Variants in FAM169A observed in about 807,000 individuals in gnomAD.
The protein encoded by FAM169A is family with sequence similarity 169 member A, also known as soluble lamin-associated protein of 75 kDa.
A neutral mutation model predicts 75.7 loss-of-function variants in FAM169A; 24 were observed. That is an observed-to-expected ratio of 0.32 (90% CI 0.23 to 0.45). The LOEUF is 0.45. Among genes scored for constraint, FAM169A ranks in the 20% least tolerant of loss-of-function variants. The pLI is 1.00. For missense variants in FAM169A, 673 were observed against 784.0 expected, an observed-to-expected ratio of 0.86 and a Z score of 1.69; for synonymous variants, 271 against 271.0, an observed-to-expected ratio of 1.00 and a Z score of 0.00.
At chr5:74,810,974 A>ATTTTTTTT (rs764689046) in intron 6 of FAM169A, among the ~76,000 whole-genome samples, 1 of 99,870 alleles carries the variant, frequency 1.0e-5, no homozygotes, top group African/African-American at 4.1e-5. Context: ...CTAGGCCTGG[A>ATTTTTTTT]TTTTTTTTTT....
At chr5:74,852,823 G>A (rs1259467658) in intron 1 of FAM169A, among the ~76,000 whole-genome samples, 4 of 152,120 alleles carry the variant, frequency 2.6e-5, no homozygotes, top group Admixed American at 2.6e-4. Flanking sequence ...AGGGACCTTG[G>A]GCAGGGAAGA....
intron 4 of FAM169A, among the ~76,000 whole-genome samples, chr5:74,834,993 C>A (rs1401203604): frequency 1.5e-5 from 2 of 131,452 alleles, no homozygotes; most frequent in Non-Finnish European, 3.1e-5. Flanking sequence ...TTTCAGTCTC[C>A]ACATTTAAAA....
chr5:74,802,149 T>A (rs1269892506), intron 8 of FAM169A, among the ~76,000 whole-genome samples: 1 of 152,216 alleles, frequency 6.6e-6, no homozygotes, highest in Non-Finnish European at 1.5e-5. Context: ...AGCAATGACT[T>A]CTTCCTAACT....
At chr5:74,847,229 C>G (rs1749201164) in intron 1 of FAM169A, among the ~76,000 whole-genome samples, 1 of 152,060 alleles carries the variant, frequency 6.6e-6, no homozygotes, top group Admixed American at 6.6e-5. Context: ...CACCACTATC[C>G]ATTTCCAGAA....
At chr5:74,865,485 G>C in intron 1 of FAM169A, 1 of 152,168 alleles carries the variant, frequency 6.6e-6, no homozygotes, top group Admixed American at 6.5e-5. Flanking sequence ...GACAGTCATG[G>C]GAGTCAGTGT....
At chr5:74,861,048 A>G (rs995870372) in intron 1 of FAM169A, among the ~76,000 whole-genome samples, 3 of 152,102 alleles carry the variant, frequency 2.0e-5, no homozygotes, top group African/African-American at 7.2e-5. Context: ...GAGACAGGAG[A>G]ATCCCTTGAA....
chr5:74,825,073 C>A (rs1311852672), intron 5 of FAM169A, among the ~76,000 whole-genome samples: 1 of 152,014 alleles, frequency 6.6e-6, no homozygotes, highest in Admixed American at 6.6e-5. Context: ...TATAGTGTAC[C>A]ATGAATGTTT....
At chr5:74,866,425 G>A, upstream of FAM169A, 1 of 958,788 alleles carries the variant, frequency 1.0e-6, no homozygotes, top group Non-Finnish European at 1.2e-6. Context: ...TCCGCTCCGC[G>A]CCCGCGCCCA....
chr5:74,842,689 T>A (rs1174389588), intron 1 of FAM169A, among the ~76,000 whole-genome samples: 1 of 151,912 alleles, frequency 6.6e-6, no homozygotes, highest in Non-Finnish European at 1.5e-5. Flanking sequence ...TAAGCCACTG[T>A]GCCAGGACTA....
At chr5:74,858,048 A>C (rs1451456348) in intron 1 of FAM169A, among the ~76,000 whole-genome samples, 2 of 152,152 alleles carry the variant, frequency 1.3e-5, no homozygotes, top group African/African-American at 2.4e-5. Context: ...GCCAAATATC[A>C]AGATGTCTAC....
chr5:74,782,049 C>T (rs1410047988), intron 12 of FAM169A, 41 bp from the exon 13 acceptor site: 1 of 1,466,354 alleles, frequency 6.8e-7, no homozygotes, highest in South Asian at 1.3e-5. Flanking sequence ...ACTTGTACTA[C>T]AGTTCTAAAA....
At chr5:74,829,198 T>C (rs1748186854) in intron 5 of FAM169A, among the ~76,000 whole-genome samples, 1 of 152,216 alleles carries the variant, frequency 6.6e-6, no homozygotes, top group African/African-American at 2.4e-5. Context: ...TTTTATAAAC[T>C]ATTTTTGCAG....
chr5:74,826,318 A>G (rs527294399), intron 5 of FAM169A, among the ~76,000 whole-genome samples: 116 of 152,258 alleles, frequency 7.6e-4, no homozygotes, highest in African/African-American at 2.6e-3. Flanking sequence ...ACCTATGACT[A>G]TCTGTTCATA....
intron 2 of FAM169A, 60 bp from the exon 3 acceptor site, chr5:74,840,233 AT>A (rs1304648731): frequency 3.1e-5 from 22 of 713,882 alleles, no homozygotes; most frequent in Admixed American, 1.4e-4. Context: ...CATTAAAAAA[AT>A]CAATCTTTTA....
intron 1 of FAM169A, among the ~76,000 whole-genome samples, chr5:74,846,371 C>T (rs1016462926): frequency 6.6e-5 from 10 of 152,134 alleles, no homozygotes; most frequent in Admixed American, 2.0e-4. Flanking sequence ...AAAGCATAAT[C>T]ACAACCACAT....
intron 1 of FAM169A, among the ~76,000 whole-genome samples, chr5:74,859,593 T>A (rs1749930557): frequency 6.6e-6 from 1 of 152,164 alleles, no homozygotes; most frequent in Admixed American, 6.5e-5. Context: ...CGGCGAAGGT[T>A]TTCTTAATTT....
At chr5:74,853,328 A>G (rs1441239574) in intron 1 of FAM169A, among the ~76,000 whole-genome samples, 2 of 152,164 alleles carry the variant, frequency 1.3e-5, no homozygotes, top group African/African-American at 2.4e-5. Context: ...TGCACCTCGC[A>G]TTGTGTTGAA....
At chr5:74,819,477 T>C (rs1171611990) in intron 5 of FAM169A, among the ~76,000 whole-genome samples, 2 of 152,218 alleles carry the variant, frequency 1.3e-5, no homozygotes, top group African/African-American at 2.4e-5. Context: ...ACAGTCTCTA[T>C]GGAAGACAGT....
At chr5:74,799,055 C>G (rs1291134528) in intron 10 of FAM169A, 1 of 1,020,264 alleles carries the variant, frequency 9.8e-7, no homozygotes, top group African/African-American at 1.6e-5. Context: ...AGGGATCGTA[C>G]CCAGATTGCC....
Sources: allele counts gnomAD v4.1 joint callset (sites outside exome capture counted in the v4.1 genomes callset), GRCh38; gene constraint gnomAD v4.1.1; transcripts MANE v1.5; gene names NCBI Gene and HGNC (gene_info 2026-07-23, HGNC 2026-07-21).